The following NALF1 variants were observed in gnomAD, a reference collection of about 807,000 sequenced individuals.
NALF1 encodes the protein family with sequence similarity 155 member A.
In NALF1, 3 loss-of-function variants were observed where a neutral mutation model predicts 48.4. The ratio of observed to expected loss-of-function variants is 0.06; its 90% CI spans 0.03 to 0.16. NALF1 has a LOEUF of 0.16. Among genes scored for constraint, NALF1 ranks in the 10% least tolerant of loss-of-function variants. The probability of loss-of-function intolerance (pLI) is 1.00; values close to 1 mark genes in which losing one functional copy is unlikely to be tolerated. For synonymous variants in NALF1, 262 were observed against 245.7 expected (o/e 1.07, Z -0.62); for missense variants, 526 against 571.5 (o/e 0.92, Z 0.81).
intron 1 of NALF1, among the ~76,000 whole-genome samples, chr13:107,669,609 C>A (rs745711850): frequency 1.3e-5 from 2 of 152,112 alleles, no homozygotes; most frequent in Non-Finnish European, 2.9e-5. Context: ...GTGAGCTCAT[C>A]ACAAAGGTTC....
At chr13:107,292,586 T>G (rs1881644138) in intron 1 of NALF1, among the ~76,000 whole-genome samples, 1 of 152,114 alleles carries the variant, frequency 6.6e-6, no homozygotes, top group Admixed American at 6.5e-5. Context: ...ATCACTGTCT[T>G]CCACCTCCAC....
At chr13:107,765,954 G>A (rs190667143) in intron 1 of NALF1, among the ~76,000 whole-genome samples, 8 of 152,114 alleles carry the variant, frequency 5.3e-5, no homozygotes, top group African/African-American at 1.9e-4. Flanking sequence ...TCTTTATCTA[G>A]GTCACATTGC....
At chr13:107,257,028 G>A (rs1353483364) in intron 1 of NALF1, among the ~76,000 whole-genome samples, 1 of 152,080 alleles carries the variant, frequency 6.6e-6, no homozygotes, top group East Asian at 1.9e-4. Flanking sequence ...GGAGGCCTCA[G>A]GAAACTTAAA....
At chr13:107,803,348 T>C (rs1878679426) in intron 1 of NALF1, among the ~76,000 whole-genome samples, 1 of 152,174 alleles carries the variant, frequency 6.6e-6, no homozygotes, top group Non-Finnish European at 1.5e-5. Context: ...TCTCTTAGGA[T>C]TCTAGTTGGT....
intron 1 of NALF1, among the ~76,000 whole-genome samples, chr13:107,340,184 T>C: frequency 6.6e-6 from 1 of 151,834 alleles, no homozygotes; most frequent in African/African-American, 2.4e-5. Context: ...TCCTTTTTTT[T>C]TTTTTTTAGA....
At chr13:107,710,683 A>G (rs1313487259) in intron 1 of NALF1, among the ~76,000 whole-genome samples, 3 of 151,778 alleles carry the variant, frequency 2.0e-5, no homozygotes, top group South Asian at 2.1e-4. Context: ...GCAGAATCCA[A>G]TCGCCTCCCA....
chr13:107,306,769 A>G (rs1427229249), intron 1 of NALF1, among the ~76,000 whole-genome samples: 2 of 152,074 alleles, frequency 1.3e-5, no homozygotes, highest in Non-Finnish European at 2.9e-5. Flanking sequence ...TTTGAGACCC[A>G]CCTGGGCAAC....
In NALF1 at chr13:107,611,537, A is replaced by C. The variant is rs745437090; in HGVS notation, c.915+254145T>G. Among the ~76,000 whole-genome samples, 53 of 152,278 alleles carry C rather than the reference A, an allele frequency of 3.5e-4. 1 individual carries two copies. Among genetic ancestry groups the C allele is most frequent in the South Asian group, 1.0e-3 (5 of 4,826 alleles). On this transcript the variant is annotated intron_variant, in intron 1 of 2. Transcript: ENST00000375915. ...GGAAATCTTGTCATATACTACAAAA[A>C]AGATGAATCTTGAGAATGTTATATT... is the stretch of plus-strand genomic sequence containing the variant.
At chr13:107,864,720 AT>A (rs1304509979) in intron 1 of NALF1, among the ~76,000 whole-genome samples, 2 of 152,132 alleles carry the variant, frequency 1.3e-5, no homozygotes, top group African/African-American at 4.8e-5. Flanking sequence ...TCTTGGGTAA[AT>A]CTCATTTCAG....
chr13:107,708,672 A>C, intron 1 of NALF1, among the ~76,000 whole-genome samples: 1 of 151,872 alleles, frequency 6.6e-6, no homozygotes, highest in Non-Finnish European at 1.5e-5. Context: ...CCAATTTGAC[A>C]TAACCAATTT....
At chr13:107,855,166 T>A (rs1433758405) in intron 1 of NALF1, among the ~76,000 whole-genome samples, 1 of 152,146 alleles carries the variant, frequency 6.6e-6, no homozygotes, top group Non-Finnish European at 1.5e-5. Flanking sequence ...GGTGCTGCCT[T>A]AAACTGGATG....
At chr13:107,703,220 C>T (rs951920825) in intron 1 of NALF1, among the ~76,000 whole-genome samples, 4 of 152,122 alleles carry the variant, frequency 2.6e-5, no homozygotes, top group Admixed American at 6.6e-5. Context: ...ATACCAATAT[C>T]TTAGTTAAAT....
chr13:107,328,177 C>A (rs1390096490), intron 1 of NALF1, among the ~76,000 whole-genome samples: 1 of 152,012 alleles, frequency 6.6e-6, no homozygotes, highest in East Asian at 1.9e-4. Flanking sequence ...CTCGACCTCC[C>A]AAAGTGCTGG....
intron 1 of NALF1, among the ~76,000 whole-genome samples, chr13:107,311,858 A>G (rs372442316): frequency 2.0e-5 from 3 of 152,326 alleles, no homozygotes; most frequent in South Asian, 4.1e-4. Context: ...AATGCAAATC[A>G]AAACCACAAT....
chr13:107,816,770 A>T (rs2138612063), intron 1 of NALF1, among the ~76,000 whole-genome samples: 1 of 152,308 alleles, frequency 6.6e-6, no homozygotes, highest in Non-Finnish European at 1.5e-5. Flanking sequence ...AATTAAACGT[A>T]CAACAGAATT....
chr13:107,641,173 A>G (rs1183045112), intron 1 of NALF1, among the ~76,000 whole-genome samples: 1 of 152,170 alleles, frequency 6.6e-6, no homozygotes, highest in Non-Finnish European at 1.5e-5. Flanking sequence ...TAAAAATCTC[A>G]TGTTCCCACT....
intron 1 of NALF1, among the ~76,000 whole-genome samples, chr13:107,235,794 T>C (rs936731722): frequency 1.3e-5 from 2 of 152,190 alleles, no homozygotes; most frequent in African/African-American, 4.8e-5. Context: ...AAGCATTTTC[T>C]AAAGAGTTAT....
At chr13:107,179,703 T>C (rs185947222) in intron 2 of NALF1, among the ~76,000 whole-genome samples, 1 of 151,654 alleles carries the variant, frequency 6.6e-6, no homozygotes, top group East Asian at 1.9e-4. Flanking sequence ...CAGAATATTT[T>C]CTGAGTTCTA....
At position 107,276,133 on chromosome 13, in the gene NALF1, T is replaced by C. The variant is rs545088207; in HGVS notation, c.916-65378A>G. ...ATCCCACCCCTTCTGCCATATTCTA[T>C]TCATTAGAAATGAGTCAGTAAGCCC... On this transcript the variant is annotated intron_variant, in intron 1 of 2. Transcript: ENST00000375915. Among the ~76,000 whole-genome samples the C allele has an allele frequency of 7.1e-4, 108 of 152,242 alleles. 1 individual carries two copies. Among genetic ancestry groups the C allele is most frequent in the Admixed American group, 3.1e-3 (47 of 15,284 alleles).
Sources: gnomAD v4.1 joint callset for allele counts (sites outside exome capture counted in the v4.1 genomes callset) on GRCh38, gnomAD v4.1.1 for gene constraint, MANE v1.5 for transcripts, NCBI Gene and HGNC (gene_info 2026-07-23, HGNC 2026-07-21) for gene names.